RIMS2: variants seen among roughly 807,000 people sequenced by gnomAD.
The protein encoded by RIMS2 is regulating synaptic membrane exocytosis protein 2.
RIMS2 carries 59 observed loss-of-function variants against 174.4 expected under a neutral mutation model. That is an observed-to-expected ratio of 0.34 (90% CI 0.27 to 0.42). RIMS2 has a LOEUF of 0.42. Among genes scored for constraint, RIMS2 ranks in the 10% least tolerant of loss-of-function variants. RIMS2 has a pLI of 1.00. For synonymous variants in RIMS2, 606 were observed against 572.5 expected (o/e 1.06, Z -0.84); for missense variants, 1,620 against 1,666.3 (o/e 0.97, Z 0.48).
chr8:103,961,880 T>C (rs2090213976), intron 15 of RIMS2, among the ~76,000 whole-genome samples: 1 of 152,164 alleles, frequency 6.6e-6, no homozygotes, highest in Non-Finnish European at 1.5e-5. Flanking sequence ...TAGCATGCCT[T>C]TATCAGTGTA....
At chr8:103,999,809 A>G (rs2154551970) in intron 17 of RIMS2, among the ~76,000 whole-genome samples, 1 of 151,900 alleles carries the variant, frequency 6.6e-6, no homozygotes, top group East Asian at 1.9e-4. Context: ...GTTCTTGATC[A>G]TCTCAATTTT....
At chr8:103,557,430 T>G (rs775795445) in intron 1 of RIMS2, among the ~76,000 whole-genome samples, 14 of 152,240 alleles carry the variant, frequency 9.2e-5, no homozygotes, top group Non-Finnish European at 1.9e-4. Context: ...TTTCTTATTT[T>G]CTTTCCCACT....
chr8:103,667,012 G>A (rs2096679228), intron 1 of RIMS2, among the ~76,000 whole-genome samples: 1 of 152,170 alleles, frequency 6.6e-6, no homozygotes. Flanking sequence ...CAGTGCACCA[G>A]GGAGATGACT....
At chr8:103,929,644 T>C (rs1189806018) in intron 11 of RIMS2, among the ~76,000 whole-genome samples, 1 of 151,698 alleles carries the variant, frequency 6.6e-6, no homozygotes, top group Non-Finnish European at 1.5e-5. Context: ...ATCAGTTGGG[T>C]TTTTGTCACA....
At chr8:104,217,129 T>C (rs1354824271) in intron 19 of RIMS2, among the ~76,000 whole-genome samples, 1 of 152,228 alleles carries the variant, frequency 6.6e-6, no homozygotes, top group Non-Finnish European at 1.5e-5. Flanking sequence ...CTGAGTTAAA[T>C]CTTACCATTA....
chr8:103,747,324 T>G (rs1417183513), intron 2 of RIMS2, among the ~76,000 whole-genome samples: 4 of 134,802 alleles, frequency 3.0e-5, no homozygotes, highest in African/African-American at 1.1e-4. Flanking sequence ...AAGCAAAAAA[T>G]GGTAAGAGAC....
chr8:103,842,742 A>T (rs1271552432), intron 3 of RIMS2, among the ~76,000 whole-genome samples: 2 of 152,288 alleles, frequency 1.3e-5, no homozygotes, highest in East Asian at 1.9e-4. Flanking sequence ...GAAGTTTTTT[A>T]AAAAATTTAA....
chr8:103,939,206 C>T (rs1271131222), intron 13 of RIMS2, among the ~76,000 whole-genome samples: 4 of 152,246 alleles, frequency 2.6e-5, no homozygotes, highest in Non-Finnish European at 4.4e-5. Flanking sequence ...GAGCCCCACC[C>T]CAGCAACAAA....
chr8:103,671,220 C>T (rs1295534334), intron 1 of RIMS2, among the ~76,000 whole-genome samples: 1 of 151,996 alleles, frequency 6.6e-6, no homozygotes, highest in Non-Finnish European at 1.5e-5. Flanking sequence ...TCAGTTATCT[C>T]CCACCGAGTG....
At chr8:103,950,158 G>A (rs940371331) in intron 14 of RIMS2, among the ~76,000 whole-genome samples, 3 of 151,984 alleles carry the variant, frequency 2.0e-5, no homozygotes, top group Admixed American at 2.0e-4. Context: ...AAAATTTCAG[G>A]CCCAGATGAC....
At chr8:104,079,119 A>G (rs1014148221) in intron 19 of RIMS2, among the ~76,000 whole-genome samples, 1 of 152,180 alleles carries the variant, frequency 6.6e-6, no homozygotes, top group Non-Finnish European at 1.5e-5. Context: ...TGAGATGACA[A>G]AAACAGCAAC....
At chr8:104,080,047 G>A (rs569969539) in intron 19 of RIMS2, among the ~76,000 whole-genome samples, 2 of 152,112 alleles carry the variant, frequency 1.3e-5, no homozygotes, top group South Asian at 4.1e-4. Context: ...TTTCTAATGG[G>A]CATACAATTA....
At chr8:104,130,676 T>C (rs2132921518) in intron 19 of RIMS2, among the ~76,000 whole-genome samples, 1 of 152,302 alleles carries the variant, frequency 6.6e-6, no homozygotes, top group Non-Finnish European at 1.5e-5. Flanking sequence ...TTCACATTAC[T>C]GAGGAAAATG....
At chr8:103,518,570 ATATATTGATTTT>A (rs1830133672) in intron 1 of RIMS2, among the ~76,000 whole-genome samples, 2 of 151,836 alleles carry the variant, frequency 1.3e-5, no homozygotes, top group South Asian at 2.1e-4. Flanking sequence ...ATATTAATTT[ATATATTGATTTT>A]TATATTAATT....
intron 2 of RIMS2, among the ~76,000 whole-genome samples, chr8:103,741,902 C>A (rs1022001899): frequency 6.6e-6 from 1 of 151,892 alleles, no homozygotes; most frequent in African/African-American, 2.4e-5. Context: ...CTTTACTTTG[C>A]GATTTAAATA....
At chr8:103,642,026 T>A (rs953814148) in intron 1 of RIMS2, among the ~76,000 whole-genome samples, 1 of 152,216 alleles carries the variant, frequency 6.6e-6, no homozygotes, top group African/African-American at 2.4e-5. Context: ...TTAATTGGCA[T>A]ATTTAGACCA....
chr8:104,139,882 G>A (rs1040395458), intron 19 of RIMS2, among the ~76,000 whole-genome samples: 3 of 152,132 alleles, frequency 2.0e-5, no homozygotes, highest in Admixed American at 6.6e-5. Context: ...CATTCAGTAT[G>A]ATACTAGCTG....
chr8:103,748,338 G>C (rs2097846367), intron 2 of RIMS2, among the ~76,000 whole-genome samples: 1 of 151,932 alleles, frequency 6.6e-6, no homozygotes, highest in Admixed American at 6.6e-5. Flanking sequence ...CCAGCTACTT[G>C]AGAGGCTGAG....
intron 17 of RIMS2, among the ~76,000 whole-genome samples, chr8:104,001,495 A>C (rs72683134): frequency 0.13 from 19,278 of 152,006 alleles, 1,694 homozygotes; most frequent in Non-Finnish European, 0.19. Flanking sequence ...AACCAAGAAC[A>C]GAACATCTAA....
Sources: allele counts gnomAD v4.1 joint callset (sites outside exome capture counted in the v4.1 genomes callset), GRCh38; gene constraint gnomAD v4.1.1; transcripts MANE v1.5; gene names NCBI Gene and HGNC (gene_info 2026-07-23, HGNC 2026-07-21).